ERBB4: variants seen among roughly 807,000 people sequenced by gnomAD.
ERBB4 encodes the protein erb-b2 receptor tyrosine kinase 4.
ERBB4 carries 42 observed loss-of-function variants against 158.0 expected under a neutral mutation model. The ratio of observed to expected loss-of-function variants is 0.27; its 90% CI spans 0.21 to 0.34. The LOEUF (loss-of-function observed/expected upper bound fraction) is 0.34. Among genes scored for constraint, ERBB4 ranks in the 10% least tolerant of loss-of-function variants. The probability of loss-of-function intolerance (pLI) is 1.00; values close to 1 mark genes in which losing one functional copy is unlikely to be tolerated. For missense variants in ERBB4, 1,333 were observed against 1,624.1 expected (o/e 0.82, Z 3.08); for synonymous variants, 583 against 558.7 (o/e 1.04, Z -0.61).
chr2:212,252,264 G>A (rs114538677), intron 1 of ERBB4, among the ~76,000 whole-genome samples: 1,691 of 152,084 alleles, frequency 0.011, 37 homozygotes, highest in African/African-American at 0.038. Context: ...ATTAATCCCT[G>A]TGGGGAACTC....
chr2:211,812,367 T>C (rs536818058), intron 3 of ERBB4, among the ~76,000 whole-genome samples: 1 of 152,156 alleles, frequency 6.6e-6, no homozygotes, highest in Non-Finnish European at 1.5e-5. Context: ...GAACAGCAAA[T>C]ATTGCAGAAC....
rs937103433 is a variant in ERBB4, at chr2:211,382,198, C to A, written c.*1417G>T. The A allele has an allele frequency of 1.3e-5, 3 of 231,180 alleles. No individual in the cohort carries two copies. The highest frequency in any genetic ancestry group is 2.6e-5 in the Non-Finnish European group (3 of 116,774). The allele number at this position is 231,180 out of a possible 1,614,324, so 14.3% of individuals were successfully genotyped here. A position where few individuals can be genotyped will look rare whatever the true frequency, so the allele number is the denominator to read the frequency against. On this transcript the variant is annotated 3_prime_UTR_variant, in exon 28 of 28. Coordinates refer to ENST00000342788, the MANE Select transcript of ERBB4 (RefSeq NM_005235.3). ...ATACCAATTTATGTGCAAAGAGTTA[C>A]CTTCTACTTCATATAAATAGTCTCA... is the stretch of plus-strand genomic sequence containing the variant.
At chr2:212,053,088 C>G (rs889076711) in intron 2 of ERBB4, among the ~76,000 whole-genome samples, 2 of 152,188 alleles carry the variant, frequency 1.3e-5, no homozygotes, top group South Asian at 4.1e-4. Flanking sequence ...GAGGCCAAAA[C>G]AGGAGGATCT....
chr2:211,544,953 C>T (rs2066904181), intron 20 of ERBB4, among the ~76,000 whole-genome samples: 1 of 152,014 alleles, frequency 6.6e-6, no homozygotes, highest in African/African-American at 2.4e-5. Flanking sequence ...AAGCCCCAAT[C>T]ACAATCGGTC....
chr2:212,003,093 C>A (rs1381005773), intron 2 of ERBB4, among the ~76,000 whole-genome samples: 11 of 99,714 alleles, frequency 1.1e-4, no homozygotes, highest in South Asian at 3.8e-4. Context: ...GAAAGAGAGA[C>A]AGAGACAGAA....
At chr2:212,284,045 A>G (rs1374705293) in intron 1 of ERBB4, among the ~76,000 whole-genome samples, 1 of 152,070 alleles carries the variant, frequency 6.6e-6, no homozygotes, top group Non-Finnish European at 1.5e-5. Context: ...GAACATAGCT[A>G]GAACAGTTAC....
chr2:211,695,744 AAAAG>A (rs2072993319), intron 12 of ERBB4, among the ~76,000 whole-genome samples: 1 of 152,140 alleles, frequency 6.6e-6, no homozygotes, highest in Non-Finnish European at 1.5e-5. Flanking sequence ...TTCTGCGTAA[AAAAG>A]AAAGCTCTTG....
At chr2:212,186,685 T>C (rs533515104) in intron 1 of ERBB4, among the ~76,000 whole-genome samples, 106 of 152,212 alleles carry the variant, frequency 7.0e-4, no homozygotes, top group African/African-American at 2.5e-3. Flanking sequence ...AGTCAAAGAA[T>C]GAAACAGGGA....
At chr2:212,138,855 G>A (rs558851511) in intron 1 of ERBB4, among the ~76,000 whole-genome samples, 5 of 152,114 alleles carry the variant, frequency 3.3e-5, no homozygotes, top group African/African-American at 4.8e-5. Context: ...ACTTAATAAC[G>A]ATATGATTGA....
chr2:212,208,315 A>T (rs188475296), intron 1 of ERBB4, among the ~76,000 whole-genome samples: 1 of 152,302 alleles, frequency 6.6e-6, no homozygotes, highest in Admixed American at 6.5e-5. Flanking sequence ...GAAGCTTTCC[A>T]CATGCCCATA....
chr2:212,146,660 G>A (rs1217909810), intron 1 of ERBB4, among the ~76,000 whole-genome samples: 1 of 152,058 alleles, frequency 6.6e-6, no homozygotes, highest in Non-Finnish European at 1.5e-5. Flanking sequence ...GAACAGCTAG[G>A]GGGCTTTTTG....
At chr2:211,622,063 A>T (rs565082258) in intron 18 of ERBB4, among the ~76,000 whole-genome samples, 26 of 152,334 alleles carry the variant, frequency 1.7e-4, no homozygotes, top group Non-Finnish European at 3.7e-4. Context: ...GATCAAATTC[A>T]CAGCAGTACT....
chr2:212,094,857 A>T (rs894314537), intron 2 of ERBB4, among the ~76,000 whole-genome samples: 4 of 152,236 alleles, frequency 2.6e-5, no homozygotes, highest in South Asian at 2.1e-4. Flanking sequence ...GTGAAATTAT[A>T]GACATATATG....
chr2:212,128,322 G>T (rs2080005512), intron 1 of ERBB4, among the ~76,000 whole-genome samples: 1 of 152,100 alleles, frequency 6.6e-6, no homozygotes, highest in South Asian at 2.1e-4. Context: ...GGTAAGTTTG[G>T]CCAGTGGACT....
chr2:212,299,023 T>C (rs2086523026), intron 1 of ERBB4, among the ~76,000 whole-genome samples: 1 of 151,748 alleles, frequency 6.6e-6, no homozygotes, highest in African/African-American at 2.4e-5. Flanking sequence ...AGCTCAGTTT[T>C]TAAAGTGTCA....
chr2:212,077,243 C>T (rs759917722), intron 2 of ERBB4, among the ~76,000 whole-genome samples: 1 of 151,890 alleles, frequency 6.6e-6, no homozygotes, highest in Non-Finnish European at 1.5e-5. Flanking sequence ...TAAAGTTTAA[C>T]TTACGTATAT....
At chr2:211,793,715 G>A (rs138636810) in intron 3 of ERBB4, among the ~76,000 whole-genome samples, 103 of 152,000 alleles carry the variant, frequency 6.8e-4, no homozygotes, top group African/African-American at 2.4e-3. Context: ...TTGGTCCAGA[G>A]ATTCCTGTAT....
chr2:211,773,606 A>AT lies in ERBB4; in HGVS notation c.556+14418dup, dbSNP rs1346857905. ...ATTATACTTCTGTAACTTTATATAT[A>AT]TATATATATATATATATATATATAT... On this transcript the variant is annotated intron_variant, in intron 4 of 27. Transcript: ENST00000342788. Among the ~76,000 whole-genome samples, 184 of 20,338 alleles carry AT rather than the reference A, an allele frequency of 9.0e-3. 3 individuals are homozygous for AT. The highest frequency in any genetic ancestry group is 0.086 in the African/African-American group (166 of 1,926). The allele number at this position is 20,338 out of a possible 152,430, so 13.3% of individuals were successfully genotyped here.
intron 1 of ERBB4, among the ~76,000 whole-genome samples, chr2:212,288,932 G>A (rs1292088149): frequency 1.3e-5 from 2 of 152,036 alleles, no homozygotes; most frequent in African/African-American, 4.8e-5. Context: ...AAAAGAAAGG[G>A]AGGAAAGAGA....
Sources: gnomAD v4.1 joint callset for allele counts (sites outside exome capture counted in the v4.1 genomes callset) on GRCh38, gnomAD v4.1.1 for gene constraint, MANE v1.5 for transcripts, NCBI Gene and HGNC (gene_info 2026-07-23, HGNC 2026-07-21) for gene names.